Variants in PRKCB observed in about 807,000 individuals in gnomAD.
The protein encoded by PRKCB is protein kinase C beta type.
PRKCB carries 13 observed loss-of-function variants against 81.5 expected under a neutral mutation model. The observed-to-expected ratio is 0.16, with a 90% CI of 0.10 to 0.25. The LOEUF (loss-of-function observed/expected upper bound fraction) is 0.25. Among genes scored for constraint, PRKCB ranks in the 10% least tolerant of loss-of-function variants. The pLI is 1.00. For synonymous variants in PRKCB, 335 were observed against 321.4 expected (o/e 1.04, Z -0.45); for missense variants, 509 against 875.7 (o/e 0.58, Z 5.29).
At chr16:24,042,204 C>T (rs534266890) in intron 5 of PRKCB, among the ~76,000 whole-genome samples, 1 of 152,232 alleles carries the variant, frequency 6.6e-6, no homozygotes, top group South Asian at 2.1e-4. Context: ...TAAACTAGGC[C>T]GCGAGGGCCC....
At chr16:23,882,871 A>T (rs1253942915) in intron 2 of PRKCB, among the ~76,000 whole-genome samples, 2 of 151,748 alleles carry the variant, frequency 1.3e-5, no homozygotes, top group African/African-American at 4.8e-5. Context: ...TACAGGTGTG[A>T]ACTACTGCAC....
At chr16:24,012,900 C>G (rs780979507) in intron 3 of PRKCB, among the ~76,000 whole-genome samples, 8 of 152,252 alleles carry the variant, frequency 5.3e-5, no homozygotes, top group Admixed American at 5.2e-4. Flanking sequence ...GCACATACTT[C>G]TCCCTTGGCT....
chr16:23,979,537 G>A (rs956729463), intron 2 of PRKCB, among the ~76,000 whole-genome samples: 1 of 152,144 alleles, frequency 6.6e-6, no homozygotes, highest in Admixed American at 6.5e-5. Context: ...ATGCCTGTGG[G>A]GGAAATCACA....
chr16:24,025,986 A>C (rs1965474645), intron 3 of PRKCB, among the ~76,000 whole-genome samples: 1 of 152,208 alleles, frequency 6.6e-6, no homozygotes, highest in Admixed American at 6.5e-5. Context: ...CACCCAGCGT[A>C]CACATGTAGC....
intron 13 of PRKCB, among the ~76,000 whole-genome samples, chr16:24,182,907 G>C (rs1051804388): frequency 2.0e-5 from 3 of 151,968 alleles, no homozygotes; most frequent in African/African-American, 4.8e-5. Context: ...GTGTGTTTGA[G>C]ACAGGGTCTC....
At chr16:24,036,008 T>C (rs1343040493) in intron 5 of PRKCB, among the ~76,000 whole-genome samples, 1 of 152,148 alleles carries the variant, frequency 6.6e-6, no homozygotes, top group Non-Finnish European at 1.5e-5. Context: ...ATTTGGAGAA[T>C]ATAATATCTT....
intron 2 of PRKCB, among the ~76,000 whole-genome samples, chr16:23,936,252 G>A (rs904574630): frequency 6.6e-6 from 1 of 151,624 alleles, no homozygotes; most frequent in Admixed American, 6.6e-5. Context: ...GTAATGACTG[G>A]CATTTGTTCT....
intron 2 of PRKCB, among the ~76,000 whole-genome samples, chr16:23,895,011 G>A (rs1370046196): frequency 6.6e-6 from 1 of 152,190 alleles, no homozygotes; most frequent in Non-Finnish European, 1.5e-5. Flanking sequence ...TTAGAAGTTT[G>A]AGTGGATTTA....
intron 7 of PRKCB, among the ~76,000 whole-genome samples, chr16:24,106,743 T>TACAA (rs1966583601): frequency 6.6e-6 from 1 of 152,210 alleles, no homozygotes; most frequent in Admixed American, 6.5e-5. Flanking sequence ...AAAGATATGA[T>TACAA]ACAAAGATTA....
At chr16:24,168,545 T>TC (rs1211768923) in intron 10 of PRKCB, among the ~76,000 whole-genome samples, 1 of 76,332 alleles carries the variant, frequency 1.3e-5, no homozygotes, top group East Asian at 4.1e-4. Flanking sequence ...CTTCTACTTT[T>TC]TTTTTTTTTT....
At chr16:23,853,850 G>T (rs1051885204) in intron 2 of PRKCB, among the ~76,000 whole-genome samples, 1 of 150,618 alleles carries the variant, frequency 6.6e-6, no homozygotes, top group Non-Finnish European at 1.5e-5. Context: ...CCATTCTCAT[G>T]CTGCTAATAA....
At chr16:23,929,907 A>G (rs1241548281) in intron 2 of PRKCB, among the ~76,000 whole-genome samples, 3 of 151,972 alleles carry the variant, frequency 2.0e-5, no homozygotes, top group Non-Finnish European at 2.9e-5. Flanking sequence ...AATTGATGAG[A>G]TGGTGGGGCA....
chr16:23,886,402 A>G (rs1162979929), intron 2 of PRKCB, among the ~76,000 whole-genome samples: 2 of 108,232 alleles, frequency 1.8e-5, no homozygotes, highest in African/African-American at 7.3e-5. Context: ...ATGGTGTGTT[A>G]GGTGTTTTTT....
At chr16:24,027,603 T>C (rs1965497923) in intron 3 of PRKCB, among the ~76,000 whole-genome samples, 1 of 152,206 alleles carries the variant, frequency 6.6e-6, no homozygotes, top group Non-Finnish European at 1.5e-5. Context: ...CAAACTTGGC[T>C]GTCCAGTGCT....
At chr16:23,892,165 A>T (rs1963305570) in intron 2 of PRKCB, among the ~76,000 whole-genome samples, 1 of 152,146 alleles carries the variant, frequency 6.6e-6, no homozygotes, top group Non-Finnish European at 1.5e-5. Flanking sequence ...CCCTTGAGAG[A>T]AATCTTTGGT....
chr16:23,966,905 GT>G (rs762212513), intron 2 of PRKCB, among the ~76,000 whole-genome samples: 3 of 152,284 alleles, frequency 2.0e-5, no homozygotes, highest in Admixed American at 6.5e-5. Flanking sequence ...GCATGAGAAT[GT>G]GGGCCCACTG....
chr16:23,937,200 A>T (rs1040073076), intron 2 of PRKCB, among the ~76,000 whole-genome samples: 1 of 152,186 alleles, frequency 6.6e-6, no homozygotes, highest in Non-Finnish European at 1.5e-5. Flanking sequence ...CCTGAGCCCT[A>T]TTAGACTCTT....
intron 2 of PRKCB, among the ~76,000 whole-genome samples, chr16:23,971,398 T>C (rs1964554406): frequency 6.6e-6 from 1 of 152,198 alleles, no homozygotes; most frequent in Non-Finnish European, 1.5e-5. Context: ...GGTGTGATGG[T>C]TCCTCTCCAT....
intron 16 of PRKCB, among the ~76,000 whole-genome samples, chr16:24,211,774 G>T (rs1281482654): frequency 6.6e-6 from 1 of 152,010 alleles, no homozygotes; most frequent in Admixed American, 6.6e-5. Context: ...TGGCCAGGCT[G>T]GTCTCGAACT....
Sources: gnomAD v4.1 joint callset for allele counts (sites outside exome capture counted in the v4.1 genomes callset) on GRCh38, gnomAD v4.1.1 for gene constraint, MANE v1.5 for transcripts, NCBI Gene and HGNC (gene_info 2026-07-23, HGNC 2026-07-21) for gene names.